The following LTF variants were observed in gnomAD, a reference collection of about 807,000 sequenced individuals.
LTF encodes the protein epididymis luminal protein 110.
In LTF, 91 loss-of-function variants were observed where a neutral mutation model predicts 87.2. The observed-to-expected ratio is 1.04, with a 90% CI of 0.88 to 1.24. LTF has a LOEUF of 1.24. Among genes scored for constraint, LTF ranks in the 50% most tolerant of loss-of-function variants. LTF has a pLI of 0.00. For synonymous variants in LTF, 378 were observed against 356.1 expected, an observed-to-expected ratio of 1.06 and a Z score of -0.69; for missense variants, 901 against 904.3, an observed-to-expected ratio of 1.00 and a Z score of 0.05.
chr3:46,450,416 G>A, intron 7 of LTF, 79 bp downstream of exon 7: 1 of 1,443,726 alleles, frequency 6.9e-7, no homozygotes, highest in Non-Finnish European at 9.5e-7. Context: ...TTCTGGAGTG[G>A]CAGAAGTCAG....
intron 1 of LTF, 101 bp downstream of exon 1, chr3:46,464,724 C>A: frequency 7.4e-7 from 1 of 1,349,958 alleles, no homozygotes; most frequent in Middle Eastern, 2.2e-4. Flanking sequence ...GGCGCAGAGA[C>A]CCCGCGCCCA....
intron 13 of LTF, among the ~76,000 whole-genome samples, chr3:46,442,848 GC>G (rs1203965555): frequency 6.6e-6 from 1 of 152,166 alleles, no homozygotes; most frequent in Non-Finnish European, 1.5e-5. Context: ...GGTAAATAGT[GC>G]CCCTGAGAAG....
At chr3:46,482,274 G>T (rs1051894453) in intron 1 of LTF, among the ~76,000 whole-genome samples, 3 of 151,728 alleles carry the variant, frequency 2.0e-5, no homozygotes, top group African/African-American at 7.3e-5. Context: ...TGGACAACAT[G>T]GAGAAACCCC....
chr3:46,460,597 C>A (rs1703056892), intron 1 of LTF: 1 of 455,224 alleles, frequency 2.2e-6, no homozygotes. Flanking sequence ...CCACAAAAAA[C>A]CTGCAATGAA....
upstream of LTF, among the ~76,000 whole-genome samples, chr3:46,465,379 AC>A (rs1392849133): frequency 6.6e-6 from 1 of 152,072 alleles, no homozygotes; most frequent in Non-Finnish European, 1.5e-5. Context: ...TGACCCGACC[AC>A]CCCCAGCAGC....
intron 1 of LTF, among the ~76,000 whole-genome samples, chr3:46,478,777 C>T (rs757315125): frequency 3.9e-5 from 6 of 152,226 alleles, no homozygotes; most frequent in Admixed American, 1.3e-4. Context: ...AATATTCTGG[C>T]TTGAGGTTAC....
chr3:46,459,544 G>C, intron 2 of LTF, 112 bp downstream of exon 2: 1 of 1,094,402 alleles, frequency 9.1e-7, no homozygotes, highest in Non-Finnish European at 1.2e-6. Flanking sequence ...TCCCCACTTC[G>C]TTGCCCAACA....
At chr3:46,460,206 T>A (rs1444624481) in intron 1 of LTF, among the ~76,000 whole-genome samples, 2 of 152,208 alleles carry the variant, frequency 1.3e-5, no homozygotes, top group Non-Finnish European at 2.9e-5. Flanking sequence ...CCTGTTTTAC[T>A]GATGTGGAAA....
intron 15 of LTF, 120 bp downstream of exon 15, chr3:46,439,176 A>C: frequency 1.1e-6 from 1 of 935,536 alleles, no homozygotes; most frequent in Non-Finnish European, 1.6e-6. Flanking sequence ...TACTCTCACC[A>C]TGAGCTTCAA....
chr3:46,449,837 C>T lies in LTF; in HGVS notation c.1057+17G>A, dbSNP rs373471955. The T allele has an allele frequency of 2.5e-6, 4 of 1,613,640 alleles. No homozygotes were observed. Among genetic ancestry groups the T allele is most frequent in the Non-Finnish European group, 3.4e-6 (4 of 1,179,868 alleles). On this transcript the variant is annotated intron_variant, in intron 8 of 16. Coordinates refer to ENST00000231751, the MANE Select transcript of LTF (RefSeq NM_002343.6). ...ACCACACCAGGCGGACCTCAGGACC[C>T]TCCTGGGCTCACTCACTTTTCCTCA...
chr3:46,475,515 A>AAC (rs59984149), intron 1 of LTF, among the ~76,000 whole-genome samples: 4,224 of 130,992 alleles, frequency 0.032, 79 homozygotes, highest in Non-Finnish European at 0.042. Flanking sequence ...TCTCCCCCTA[A>AAC]ACACACACAC....
intron 1 of LTF, 89 bp from the exon 2 acceptor site, chr3:46,459,908 C>T (rs1488148097): frequency 2.1e-6 from 2 of 962,322 alleles, no homozygotes; most frequent in South Asian, 2.5e-5. Context: ...CAGACTCCTC[C>T]CTCTCTCTCG....
chr3:46,457,035 AG>A (rs969696819), intron 2 of LTF, among the ~76,000 whole-genome samples: 4 of 152,290 alleles, frequency 2.6e-5, no homozygotes, highest in Admixed American at 6.5e-5. Context: ...AGTTCACACT[AG>A]GGTTCACACT....
intron 8 of LTF, 58 bp from the exon 9 acceptor site, chr3:46,449,075 C>T (rs1702733817): frequency 6.5e-7 from 1 of 1,528,888 alleles, no homozygotes; most frequent in Non-Finnish European, 8.8e-7. Flanking sequence ...GGTTGTCCAA[C>T]CTCCCCAGAG....
chr3:46,466,325 T>C (rs1703213184), upstream of LTF, among the ~76,000 whole-genome samples: 1 of 152,214 alleles, frequency 6.6e-6, no homozygotes. Context: ...ACACCTTTCT[T>C]GGCAGGTGAG....
In LTF at chr3:46,435,836, G is replaced by A. The variant is rs1372411540; in HGVS notation, c.*359C>T. ...CCAACAAGATCCCCTTAGGAAAACC[G>A]GTGCTTGGCCTGGCCTTAAATTCCA... On this transcript the variant is annotated 3_prime_UTR_variant, in exon 17 of 17. Coordinates refer to ENST00000231751, the MANE Select transcript of LTF (RefSeq NM_002343.6). 3 of 293,800 alleles carry A rather than the reference G, an allele frequency of 1.0e-5. No homozygotes were observed. Among genetic ancestry groups the A allele is most frequent in the Admixed American group, 4.8e-5 (1 of 20,852 alleles). The allele number at this position is 293,800 out of a possible 1,614,324, so 18.2% of individuals were successfully genotyped here.
chr3:46,458,550 G>A (rs1005413013), intron 2 of LTF, among the ~76,000 whole-genome samples: 1 of 152,176 alleles, frequency 6.6e-6, no homozygotes, highest in African/African-American at 2.4e-5. Flanking sequence ...AAACAAGCAA[G>A]AGATGCTGGT....
Position 46,459,952 on chromosome 3 carries a change from G to A in LTF, c.44-133C>T, listed in dbSNP as rs1490931265. ...CCTTCCCTCTCCATTTCATGGCTATGTCCAGCCATTCTCCACAAGTGGAGG... is the reference window on the plus strand; with the variant it reads ...CCTTCCCTCTCCATTTCATGGCTATATCCAGCCATTCTCCACAAGTGGAGG... On this transcript the variant is annotated intron_variant, in intron 1 of 16. Coordinates refer to ENST00000231751, the MANE Select transcript of LTF (RefSeq NM_002343.6). 1.8e-5 allele frequency: 10 copies of A among 551,980 alleles called. 1 individual carries two copies. In the South Asian group the frequency reaches 1.9e-4, roughly 11 times the overall value. The allele number at this position is 551,980 out of a possible 1,614,324, so 34.2% of individuals were successfully genotyped here.
rs534435682 is a variant in LTF at position 46,474,510 on chromosome 3, A to C, written c.-319-4044T>G. Among the ~76,000 whole-genome samples the C allele has an allele frequency of 2.0e-5, 3 of 152,340 alleles. No individual in the cohort carries two copies. In the South Asian group the frequency reaches 6.2e-4, roughly 32 times the overall value. On this transcript the variant is annotated intron_variant, in intron 1 of 19. Coordinates refer to the LTF transcript ENST00000443496. ...GAAATAGACTCCACAATTATAGTTG[A>C]AGACTTCAAACCCCTCTACCAACAA...
Sources: gnomAD v4.1 joint callset for allele counts (sites outside exome capture counted in the v4.1 genomes callset) on GRCh38, gnomAD v4.1.1 for gene constraint, MANE v1.5 for transcripts, NCBI Gene and HGNC (gene_info 2026-07-23, HGNC 2026-07-21) for gene names.